The following P2RY14 variants were observed in gnomAD, a reference collection of about 807,000 sequenced individuals.
P2RY14 encodes the protein P2Y purinoceptor 14.
A neutral mutation model predicts 0.9 loss-of-function variants in P2RY14; 2 were observed. The ratio of observed to expected loss-of-function variants is 2.16; its 90% CI spans 0.88 to 6.79. The LOEUF (loss-of-function observed/expected upper bound fraction) is 6.79, where lower values mean the gene tolerates loss of function less well. Among genes scored for constraint, P2RY14 ranks in the 30% most tolerant of loss-of-function variants. The pLI, the probability that P2RY14 is intolerant of heterozygous loss-of-function variation, is 0.05. For synonymous variants in P2RY14, 158 were observed against 147.2 expected (o/e 1.07, Z -0.53); for missense variants, 378 against 400.1 (o/e 0.94, Z 0.47).
At chr3:151,221,269 G>T (rs1729291159) in intron 1 of P2RY14, among the ~76,000 whole-genome samples, 1 of 152,194 alleles carries the variant, frequency 6.6e-6, no homozygotes, top group African/African-American at 2.4e-5. Flanking sequence ...GAGCTTAAAA[G>T]TTCAGAAAAT....
intron 1 of P2RY14, among the ~76,000 whole-genome samples, chr3:151,258,851 CA>C (rs63714361): frequency 0.52 from 47,097 of 90,028 alleles, 10,071 homozygotes; most frequent in African/African-American, 0.63. Flanking sequence ...GATTCTGTCT[CA>C]AAAAAAAAAA....
chr3:151,270,023 TGAA>T lies in P2RY14; in HGVS notation c.-133+8261_-133+8263del, dbSNP rs1740583517. On this transcript the variant is annotated intron_variant, in intron 1 of 2. Coordinates refer to ENST00000309170, the MANE Select transcript of P2RY14 (RefSeq NM_014879.4). ...TGAAGAAAGGGAAGGAGATAAATGA[TGAA>T]GAAGGATGGGAAGATATTGATAAAG... The T allele has an allele frequency of 3.7e-5, 9 of 240,768 alleles. No individual in the cohort carries two copies. The South Asian group carries it at 4.6e-4, about 12-fold the overall frequency. The allele number at this position is 240,768 out of a possible 1,614,324, so 14.9% of individuals were successfully genotyped here. A position where few individuals can be genotyped will look rare whatever the true frequency, so the allele number is the denominator to read the frequency against.
chr3:151,260,725 T>C (rs1365475910), intron 1 of P2RY14, among the ~76,000 whole-genome samples: 1 of 152,168 alleles, frequency 6.6e-6, no homozygotes, highest in Non-Finnish European at 1.5e-5. Context: ...AGTGATCACT[T>C]TTCTGAGGTT....
intron 1 of P2RY14, among the ~76,000 whole-genome samples, chr3:151,230,793 A>G (rs999975090): frequency 6.6e-6 from 1 of 152,198 alleles, no homozygotes; most frequent in Non-Finnish European, 1.5e-5. Flanking sequence ...CCATTTTTAA[A>G]TAACAAAAGT....
chr3:151,258,682 T>C (rs966407616), intron 1 of P2RY14, among the ~76,000 whole-genome samples: 55 of 152,124 alleles, frequency 3.6e-4, no homozygotes, highest in African/African-American at 1.1e-3. Context: ...AAACCCCGTC[T>C]CTACTAAAAA....
At chr3:151,259,540 A>G (rs1250999768) in intron 1 of P2RY14, among the ~76,000 whole-genome samples, 1 of 152,220 alleles carries the variant, frequency 6.6e-6, no homozygotes, top group Non-Finnish European at 1.5e-5. Flanking sequence ...TGTTCACCCT[A>G]AGAATAAGTA....
intron 1 of P2RY14, among the ~76,000 whole-genome samples, chr3:151,266,093 C>T (rs965673886): frequency 1.3e-5 from 2 of 152,138 alleles, no homozygotes; most frequent in Admixed American, 1.3e-4. Flanking sequence ...GCCATCTTTC[C>T]CCTTTCAGTT....
At chr3:151,266,815 T>A (rs889093843) in intron 1 of P2RY14, among the ~76,000 whole-genome samples, 1 of 152,206 alleles carries the variant, frequency 6.6e-6, no homozygotes, top group Non-Finnish European at 1.5e-5. Context: ...GTGCTGTAGA[T>A]GTCCTACGAA....
At chr3:151,250,106 G>T (rs1352545500) in intron 1 of P2RY14, among the ~76,000 whole-genome samples, 2 of 152,070 alleles carry the variant, frequency 1.3e-5, no homozygotes, top group Non-Finnish European at 2.9e-5. Flanking sequence ...TGTTGGAAAT[G>T]GTCTGCGTTT....
intron 1 of P2RY14, among the ~76,000 whole-genome samples, chr3:151,267,558 G>A (rs1307386790): frequency 2.0e-5 from 3 of 152,184 alleles, no homozygotes; most frequent in Admixed American, 6.5e-5. Context: ...TTGCTTAGAT[G>A]TAAATAGTTT....
At chr3:151,222,691 CTT>C (rs1250746332) in intron 1 of P2RY14, among the ~76,000 whole-genome samples, 1 of 152,166 alleles carries the variant, frequency 6.6e-6, no homozygotes, top group East Asian at 1.9e-4. Flanking sequence ...TCAAATATGT[CTT>C]TATCAGCAGT....
chr3:151,228,990 A>T (rs759822034), intron 1 of P2RY14, among the ~76,000 whole-genome samples: 1 of 152,200 alleles, frequency 6.6e-6, no homozygotes, highest in Non-Finnish European at 1.5e-5. Flanking sequence ...GGGCTGTTAG[A>T]CCATTAGTGG....
intron 1 of P2RY14, among the ~76,000 whole-genome samples, chr3:151,262,588 G>T (rs1394422368): frequency 6.6e-6 from 1 of 152,092 alleles, no homozygotes; most frequent in East Asian, 1.9e-4. Flanking sequence ...TTGTATATGT[G>T]TTTTTTAAAT....
At chr3:151,275,762 G>A (rs886246201) in intron 1 of P2RY14, among the ~76,000 whole-genome samples, 2 of 152,144 alleles carry the variant, frequency 1.3e-5, no homozygotes, top group Admixed American at 6.5e-5. Context: ...ATGCTACTTA[G>A]GAAGCTGAGA....
At chr3:151,243,361 A>G (rs1734639682) in intron 1 of P2RY14, among the ~76,000 whole-genome samples, 2 of 151,196 alleles carry the variant, frequency 1.3e-5, no homozygotes, top group African/African-American at 4.9e-5. Flanking sequence ...AAGGGCAGCC[A>G]GAGAGAAAGG....
chr3:151,225,000 A>G (rs1269494220), intron 1 of P2RY14, among the ~76,000 whole-genome samples: 4 of 152,102 alleles, frequency 2.6e-5, no homozygotes, highest in African/African-American at 4.8e-5. Context: ...AAAATATTTT[A>G]TATTATTTAC....
In P2RY14 at chr3:151,213,796, T is replaced by A; in HGVS notation, c.521A>T (p.Glu174Val). The A allele has an allele frequency of 1.2e-6, 2 of 1,614,180 alleles. No homozygotes were observed. Among genetic ancestry groups the A allele is most frequent in the Non-Finnish European group, 1.7e-6 (2 of 1,180,024 alleles). Residue 174 changes from glutamate (E) to valine (V), a missense_variant, in exon 3 of 3, where the codon GAA becomes GTA. Transcript: ENST00000309170. ...CTTCCGTCCCAGTTCACTTTTCAGT[T>A]CTATACATTTTATTTGTGTAACCTC... Reference protein sequence around the residue: ...VREVTQIKCIELKSELGRKWH... With the variant: ...VREVTQIKCIVLKSELGRKWH...
chr3:151,240,183 G>T (rs1733797990), intron 1 of P2RY14, among the ~76,000 whole-genome samples: 1 of 151,846 alleles, frequency 6.6e-6, no homozygotes, highest in Admixed American at 6.6e-5. Flanking sequence ...ATTACTTAAG[G>T]TAGTAGGTAG....
chr3:151,229,503 G>A (rs1731211147), intron 1 of P2RY14, among the ~76,000 whole-genome samples: 1 of 132,128 alleles, frequency 7.6e-6, no homozygotes, highest in Admixed American at 8.4e-5. Flanking sequence ...TTTTGAGACG[G>A]AGTCTCACTT....
Sources: allele counts gnomAD v4.1 joint callset (sites outside exome capture counted in the v4.1 genomes callset), GRCh38; gene constraint gnomAD v4.1.1; transcripts MANE v1.5; gene names NCBI Gene and HGNC (gene_info 2026-07-23, HGNC 2026-07-21).